Variants in GPC5 observed in about 807,000 individuals in gnomAD.
GPC5 encodes glypican 5.
In GPC5, 47 loss-of-function variants were observed where a neutral mutation model predicts 53.9. That is an observed-to-expected ratio of 0.87 (90% confidence interval 0.69 to 1.11). The LOEUF (loss-of-function observed/expected upper bound fraction) is 1.11, where lower values mean the gene tolerates loss of function less well. Ranked by LOEUF, GPC5 falls within the 50% of genes most tolerant of loss-of-function variation. The probability of loss-of-function intolerance (pLI) is 0.00; values close to 1 mark genes in which losing one functional copy is unlikely to be tolerated. For missense variants in GPC5, 748 were observed against 713.1 expected (o/e 1.05, Z -0.56); for synonymous variants, 286 against 263.3 (o/e 1.09, Z -0.84).
At chr13:92,160,889 G>C (rs1030281757) in intron 7 of GPC5, among the ~76,000 whole-genome samples, 3 of 152,168 alleles carry the variant, frequency 2.0e-5, no homozygotes, top group African/African-American at 7.2e-5. Flanking sequence ...GGTCATCCTA[G>C]ACTTGGAATA....
At chr13:92,840,523 A>C (rs1878399849) in intron 7 of GPC5, among the ~76,000 whole-genome samples, 1 of 152,092 alleles carries the variant, frequency 6.6e-6, no homozygotes, top group African/African-American at 2.4e-5. Flanking sequence ...ATATATTTTA[A>C]TATCAAGACA....
chr13:92,061,396 ATTTG>A (rs1240401025), intron 6 of GPC5, among the ~76,000 whole-genome samples: 2 of 152,024 alleles, frequency 1.3e-5, no homozygotes, highest in Admixed American at 6.5e-5. Flanking sequence ...GAGTTATAGA[ATTTG>A]TTTTAGACAG....
chr13:92,276,144 T>C (rs2042873616), intron 7 of GPC5, among the ~76,000 whole-genome samples: 3 of 152,098 alleles, frequency 2.0e-5, no homozygotes, highest in Non-Finnish European at 4.4e-5. Context: ...TGAAGGTTGT[T>C]TGCAAGGTTA....
rs1465486499 is a variant in GPC5 at position 92,688,005 on chromosome 13, A to G, written c.1562-178277A>G. On this transcript the variant is annotated intron_variant, in intron 7 of 7. Coordinates refer to ENST00000377067, the MANE Select transcript of GPC5 (RefSeq NM_004466.6). ...AGGATTTTTGCATCAATGTTCATCA[A>G]GGATATTGGTCTAAAATTCTCTTTT... Among the ~76,000 whole-genome samples the G allele has an allele frequency of 1.1e-4, 8 of 76,008 alleles. No individual in the cohort carries two copies. The Admixed American group carries it at 1.4e-3, about 13-fold the overall frequency. The allele number at this position is 76,008 out of a possible 152,430, so 49.9% of individuals were successfully genotyped here.
intron 7 of GPC5, among the ~76,000 whole-genome samples, chr13:92,750,942 AAAG>A (rs1298493269): frequency 6.6e-6 from 1 of 152,150 alleles, no homozygotes; most frequent in African/African-American, 2.4e-5. Context: ...TAGAAACAAA[AAAG>A]AATGAGGAAA....
intron 2 of GPC5, among the ~76,000 whole-genome samples, chr13:91,659,768 G>A (rs572416604): frequency 5.3e-5 from 8 of 152,004 alleles, no homozygotes; most frequent in African/African-American, 1.9e-4. Flanking sequence ...CACCATGATC[G>A]CCACCTCCTG....
intron 2 of GPC5, among the ~76,000 whole-genome samples, chr13:91,463,767 G>A (rs1882074662): frequency 1.3e-5 from 2 of 152,018 alleles, no homozygotes; most frequent in Non-Finnish European, 2.9e-5. Context: ...ATACAAAAAT[G>A]AACCCAAAAT....
intron 2 of GPC5, among the ~76,000 whole-genome samples, chr13:91,510,196 C>G (rs1287311860): frequency 1.3e-5 from 2 of 151,952 alleles, no homozygotes; most frequent in African/African-American, 4.8e-5. Flanking sequence ...ATTATAAATA[C>G]AATAATCATA....
In GPC5 at chr13:92,334,299, C is replaced by G. The variant is rs2043307676; in HGVS notation, c.1561+189310C>G. On this transcript the variant is annotated intron_variant, in intron 7 of 7. Transcript: ENST00000377067. The stretch of plus-strand genomic sequence containing the variant: ...GAGAGCATGCTCAGGGAGACTGCCC[C>G]TTTATAAAACCATCAAGTCGCATGA... Among the ~76,000 whole-genome samples, 6 of 152,136 alleles carry G rather than the reference C, an allele frequency of 3.9e-5. No homozygotes were observed. The South Asian group carries it at 1.2e-3, about 32-fold the overall frequency.
chr13:92,712,460 CA>C (rs1888170771), intron 7 of GPC5, among the ~76,000 whole-genome samples: 1 of 10,356 alleles, frequency 9.7e-5, no homozygotes, highest in Non-Finnish European at 7.8e-4. Flanking sequence ...AACAAACAAA[CA>C]AACAAAAAAA....
intron 7 of GPC5, among the ~76,000 whole-genome samples, chr13:92,181,514 G>C (rs1243131899): frequency 6.6e-6 from 1 of 152,144 alleles, no homozygotes; most frequent in African/African-American, 2.4e-5. Flanking sequence ...AAAATCTTCA[G>C]ATAGTACAAT....
At chr13:91,496,699 T>G (rs905988653) in intron 2 of GPC5, among the ~76,000 whole-genome samples, 4 of 152,080 alleles carry the variant, frequency 2.6e-5, no homozygotes, top group African/African-American at 9.7e-5. Flanking sequence ...ATAGATTGAA[T>G]GAATAAGATC....
At chr13:92,606,136 G>A (rs549867110) in intron 7 of GPC5, among the ~76,000 whole-genome samples, 4 of 151,784 alleles carry the variant, frequency 2.6e-5, no homozygotes, top group Admixed American at 1.3e-4. Flanking sequence ...TGTACACAAC[G>A]TGCAGGTTTG....
At chr13:92,012,795 T>G (rs895563334) in intron 6 of GPC5, among the ~76,000 whole-genome samples, 1 of 152,250 alleles carries the variant, frequency 6.6e-6, no homozygotes, top group Non-Finnish European at 1.5e-5. Context: ...TAAGAATTAC[T>G]GATGCTGGAT....
chr13:92,353,132 C>T (rs2043493367), intron 7 of GPC5, among the ~76,000 whole-genome samples: 1 of 151,146 alleles, frequency 6.6e-6, no homozygotes, highest in East Asian at 1.9e-4. Context: ...CGGTGGCGGG[C>T]GCCTGTAGTC....
At chr13:91,712,281 A>G (rs759689545) in intron 3 of GPC5, among the ~76,000 whole-genome samples, 8 of 151,404 alleles carry the variant, frequency 5.3e-5, no homozygotes, top group Non-Finnish European at 1.0e-4. Flanking sequence ...ATCAAAAGCA[A>G]AGTTGTTTCC....
chr13:92,164,836 T>C (rs545138754), intron 7 of GPC5, among the ~76,000 whole-genome samples: 135 of 152,328 alleles, frequency 8.9e-4, no homozygotes, highest in African/African-American at 3.0e-3. Flanking sequence ...TTTCTGTACA[T>C]CCTCTGAAAT....
At chr13:92,237,923 C>G (rs1465140316) in intron 7 of GPC5, among the ~76,000 whole-genome samples, 1 of 152,052 alleles carries the variant, frequency 6.6e-6, no homozygotes, top group African/African-American at 2.4e-5. Context: ...AATAAGCATT[C>G]TTTATGACTT....
At chr13:92,660,549 T>G (rs1397554656) in intron 7 of GPC5, among the ~76,000 whole-genome samples, 1 of 150,242 alleles carries the variant, frequency 6.7e-6, no homozygotes, top group Admixed American at 6.7e-5. Context: ...TATAAAATTA[T>G]GTACTATTCT....
Sources: allele counts gnomAD v4.1 joint callset (sites outside exome capture counted in the v4.1 genomes callset), GRCh38; gene constraint gnomAD v4.1.1; transcripts MANE v1.5; gene names NCBI Gene and HGNC (gene_info 2026-07-23, HGNC 2026-07-21).